ZNF469: variants seen among roughly 807,000 people sequenced by gnomAD.
The protein encoded by ZNF469 is zinc finger protein 469.
Under a neutral mutation model 1.0 loss-of-function variants are expected in ZNF469, and 1 was observed. That is an observed-to-expected ratio of 1.00 (90% CI 0.35 to 4.73). The LOEUF is 4.73. ZNF469 is among the 30% of genes most tolerant of loss of function. ZNF469 has a pLI of 0.16. For synonymous variants in ZNF469, 2,703 were observed against 2,363.4 expected, an observed-to-expected ratio of 1.14 and a Z score of -4.17; for missense variants, 6,100 against 5,356.3, an observed-to-expected ratio of 1.14 and a Z score of -4.33.
chr16:88,179,956 C>T, the ZNF469 span, among the ~76,000 whole-genome samples: 44 of 152,206 alleles, frequency 2.9e-4, no homozygotes, highest in Admixed American at 7.2e-4. Context: ...TGAGAAGCTA[C>T]AGCTGTAACT....
the ZNF469 span, among the ~76,000 whole-genome samples, chr16:88,127,184 G>T: frequency 6.6e-6 from 1 of 152,206 alleles, no homozygotes; most frequent in Middle Eastern, 3.4e-3. Flanking sequence ...CCGTGCTCAC[G>T]AGGGCCTTGC....
rs1214556484 is a variant in ZNF469, at chr16:88,435,935, C to T, written c.8465C>T (p.Pro2822Leu). The change falls in exon 3 of 3, where the codon CCG (proline) becomes CTG (leucine). Residue 2822 changes from proline to leucine, a missense_variant. Pro to Leu is a moderately conservative substitution (Grantham distance 98). Transcript: ENST00000565624. Reference protein sequence around the residue: ...STTSSCLQGLPDNPDTQGGVQ... With the variant: ...STTSSCLQGLLDNPDTQGGVQ... The stretch of plus-strand genomic sequence containing the variant: ...ACCAGCAGCTGCCTCCAGGGCCTCC[C>T]GGACAACCCAGACACCCAGGGTGGA... The T allele has an allele frequency of 6.5e-6, 10 of 1,549,924 alleles. No homozygotes were observed. The highest frequency in any genetic ancestry group is 1.4e-5 in the African/African-American group (1 of 73,052).
At chr16:88,142,834 C>G in the ZNF469 span, among the ~76,000 whole-genome samples, 3 of 152,182 alleles carry the variant, frequency 2.0e-5, no homozygotes, top group African/African-American at 7.2e-5. Flanking sequence ...CCCAGCCCCA[C>G]CTGGATGTGC....
At chr16:88,237,929 G>C in the ZNF469 span, among the ~76,000 whole-genome samples, 1 of 152,188 alleles carries the variant, frequency 6.6e-6, no homozygotes. Context: ...ACAGTATCCA[G>C]CCTTCTCCAA....
chr16:88,392,858 C>G (rs1904528000), intron 1 of ZNF469, among the ~76,000 whole-genome samples: 1 of 152,228 alleles, frequency 6.6e-6, no homozygotes. Flanking sequence ...GGCAGGTTCC[C>G]TCCCCAACCT....
the ZNF469 span, among the ~76,000 whole-genome samples, chr16:88,358,534 A>AC: frequency 6.6e-6 from 1 of 151,524 alleles, no homozygotes; most frequent in African/African-American, 2.4e-5. Context: ...CCAGCCTGCC[A>AC]CTCCCACCCA....
the ZNF469 span, among the ~76,000 whole-genome samples, chr16:88,176,038 C>T: frequency 9.2e-5 from 14 of 152,258 alleles, no homozygotes; most frequent in African/African-American, 3.4e-4. Flanking sequence ...AAACACAGGC[C>T]CTCTTGCTTG....
the ZNF469 span, among the ~76,000 whole-genome samples, chr16:88,207,733 G>A: frequency 1.4e-5 from 2 of 144,450 alleles, no homozygotes; most frequent in Non-Finnish European, 3.1e-5. Context: ...TGGCCGCATC[G>A]CTCCCGTCCC....
At chr16:88,394,136 C>T (rs28438439) in intron 1 of ZNF469, among the ~76,000 whole-genome samples, 29,273 of 117,244 alleles carry the variant, frequency 0.25, 6,928 homozygotes, top group Non-Finnish European at 0.31. Flanking sequence ...GTTTGACACG[C>T]CTACACCTGC....
At chr16:88,370,317 G>A in the ZNF469 span, among the ~76,000 whole-genome samples, 17 of 152,110 alleles carry the variant, frequency 1.1e-4, no homozygotes, top group Admixed American at 5.9e-4. Context: ...GATTGTTGCC[G>A]ACTCTGATAC....
Position 88,438,973 on chromosome 16 carries a change from G to C in ZNF469, c.11503G>C (p.Gly3835Arg), listed in dbSNP as rs574550673. The part of the protein sequence containing the change: ...PARSESVGSF[G>R]RAPSAPDKPP... ...CAGGAGTGAAAGTGTGGGGAGCTTC[G>C]GGAGAGCCCCCTCAGCCCCTGACAA... The change falls in exon 3 of 3, where the codon GGG becomes CGG. Residue 3835 changes from glycine (G) to arginine (R), a missense_variant. Physicochemically the swap from Gly to Arg is moderately radical, Grantham distance 125. Coordinates refer to ENST00000565624, the MANE Select transcript of ZNF469 (RefSeq NM_001367624.2). 3.2e-6 allele frequency: 5 copies of C among 1,550,452 alleles called. No individual in the cohort carries two copies. The South Asian group carries it at 4.8e-5, about 15-fold the overall frequency.
chr16:88,122,464 ACT>A, the ZNF469 span, among the ~76,000 whole-genome samples: 3 of 144,668 alleles, frequency 2.1e-5, no homozygotes, highest in Admixed American at 7.0e-5. Flanking sequence ...CACGGCAGCC[ACT>A]CTGATCACAT....
the ZNF469 span, among the ~76,000 whole-genome samples, chr16:88,305,273 CAT>C: frequency 1.3e-5 from 2 of 148,976 alleles, no homozygotes; most frequent in Non-Finnish European, 3.0e-5. Flanking sequence ...CCCTCACACA[CAT>C]GCTCTCAGGC....
chr16:88,371,919 TACCACCATCACCATCACC>T, the ZNF469 span, among the ~76,000 whole-genome samples: 5 of 87,818 alleles, frequency 5.7e-5, no homozygotes, highest in East Asian at 1.8e-3. Context: ...TCACCATGAT[TACCACCATCACCATCACC>T]ACCATCATCA....
the ZNF469 span, among the ~76,000 whole-genome samples, chr16:88,346,945 G>T: frequency 2.6e-5 from 4 of 152,238 alleles, no homozygotes; most frequent in Admixed American, 2.6e-4. Flanking sequence ...GGCCACCCTC[G>T]GGAGAAGGCC....
chr16:88,439,673 A>G lies in ZNF469; in HGVS notation c.*341A>G, dbSNP rs1054289068. On this transcript the variant is annotated 3_prime_UTR_variant, in exon 3 of 3. Coordinates refer to ENST00000565624, the MANE Select transcript of ZNF469 (RefSeq NM_001367624.2). ...GTGGGCACCGACACCACAGAAGCCA[A>G]TGTTTGGAGATTTGCACAACCTCCC... 9.3e-6 allele frequency: 3 copies of G among 324,318 alleles called. No homozygotes were observed. The highest frequency in any genetic ancestry group is 1.7e-5 in the Non-Finnish European group (3 of 173,054). 20.1% of individuals were successfully genotyped at this position (324,318 alleles called of 1,614,324 possible). A position where few individuals can be genotyped will look rare whatever the true frequency, so the allele number is the denominator to read the frequency against.
the ZNF469 span, among the ~76,000 whole-genome samples, chr16:88,199,042 C>T: frequency 6.6e-6 from 1 of 152,188 alleles, no homozygotes; most frequent in East Asian, 1.9e-4. Flanking sequence ...TGACCCAGTG[C>T]TCCAGTCTGA....
At chr16:88,252,306 C>T in the ZNF469 span, among the ~76,000 whole-genome samples, 1 of 150,410 alleles carries the variant, frequency 6.6e-6, no homozygotes, top group Non-Finnish European at 1.5e-5. Context: ...TTCAAGCCAA[C>T]TTTTCTCACT....
the ZNF469 span, among the ~76,000 whole-genome samples, chr16:88,263,284 G>A: frequency 6.6e-6 from 1 of 152,164 alleles, no homozygotes; most frequent in Non-Finnish European, 1.5e-5. Context: ...TAGGGGATTG[G>A]GATTCACTGG....
Sources: allele counts gnomAD v4.1 joint callset (sites outside exome capture counted in the v4.1 genomes callset), GRCh38; gene constraint gnomAD v4.1.1; transcripts MANE v1.5; gene names NCBI Gene and HGNC (gene_info 2026-07-23, HGNC 2026-07-21).